The following DYNLRB1 variants were observed in gnomAD, a reference collection of about 807,000 sequenced individuals.
DYNLRB1 encodes dynein light chain roadblock-type 1.
In DYNLRB1, 6 loss-of-function variants were observed where a neutral mutation model predicts 13.5. That is an observed-to-expected ratio of 0.44 (90% confidence interval 0.24 to 0.88). The LOEUF (loss-of-function observed/expected upper bound fraction) is 0.88, where lower values mean the gene tolerates loss of function less well. Among genes scored for constraint, DYNLRB1 ranks in the 40% least tolerant of loss-of-function variants. The probability of loss-of-function intolerance (pLI) is 0.21; values close to 1 mark genes in which losing one functional copy is unlikely to be tolerated. For missense variants in DYNLRB1, 93 were observed against 127.2 expected, an observed-to-expected ratio of 0.73 and a Z score of 1.29; for synonymous variants, 43 against 45.0, an observed-to-expected ratio of 0.96 and a Z score of 0.18.
intron 1 of DYNLRB1, among the ~76,000 whole-genome samples, chr20:34,521,940 A>C (rs1979753457): frequency 6.6e-6 from 1 of 152,094 alleles, no homozygotes; most frequent in African/African-American, 2.4e-5. Context: ...CGGGAGGCTG[A>C]AGTGGGAGGA....
At chr20:34,531,834 G>A (rs1457283593) in intron 2 of DYNLRB1, among the ~76,000 whole-genome samples, 1 of 152,178 alleles carries the variant, frequency 6.6e-6, no homozygotes, top group Non-Finnish European at 1.5e-5. Flanking sequence ...AGTGTCACCC[G>A]AAGATGGAGA....
In DYNLRB1 at chr20:34,540,641, CCT is replaced by C. The variant is rs763840824; in HGVS notation, c.*18_*19del. ...ACCGAATAAGCCACTCTCTTGGCTC[CCT>C]GTGTCATTCCTTAATTTAATGCCCC... On this transcript the variant is annotated 3_prime_UTR_variant, in exon 4 of 4. Coordinates refer to ENST00000357156, the MANE Select transcript of DYNLRB1 (RefSeq NM_014183.4). The C allele has an allele frequency of 3.3e-5, 53 of 1,612,784 alleles. No individual in the cohort carries two copies. The South Asian group carries it at 5.2e-4, about 16-fold the overall frequency.
chr20:34,516,790 A>C, intron 1 of DYNLRB1: 2 of 1,550,098 alleles, frequency 1.3e-6, no homozygotes, highest in Non-Finnish European at 8.7e-7. Context: ...AACCCTGGCA[A>C]CGTTTCCCGG....
At chr20:34,530,697 TC>T (rs1302584801) in intron 2 of DYNLRB1, 1 of 152,236 alleles carries the variant, frequency 6.6e-6, no homozygotes, top group Non-Finnish European at 1.5e-5. Context: ...TTCCCACTGA[TC>T]CATGGGGCCT....
chr20:34,532,138 T>C (rs1248269394), intron 2 of DYNLRB1, among the ~76,000 whole-genome samples: 1 of 152,222 alleles, frequency 6.6e-6, no homozygotes, highest in African/African-American at 2.4e-5. Flanking sequence ...CTTGCGGGTT[T>C]AAGCAATAGT....
chr20:34,526,489 T>C, intron 2 of DYNLRB1, 146 bp downstream of exon 2: 1 of 598,340 alleles, frequency 1.7e-6, no homozygotes. Flanking sequence ...AGTGTTCTTT[T>C]TTTTTTTTTT....
chr20:34,540,275 C>T (rs950714255), intron 3 of DYNLRB1, among the ~76,000 whole-genome samples: 2 of 152,224 alleles, frequency 1.3e-5, no homozygotes, highest in African/African-American at 4.8e-5. Context: ...GTCCCCCCAC[C>T]TGGAAAACAG....
intron 3 of DYNLRB1, chr20:34,536,179 C>T (rs1212256205): frequency 2.0e-6 from 2 of 985,312 alleles, no homozygotes; most frequent in Non-Finnish European, 2.4e-6. Flanking sequence ...AATGCCTGAT[C>T]CATCGGGGAG....
chr20:34,518,652 C>T (rs1449266528), intron 1 of DYNLRB1, among the ~76,000 whole-genome samples: 1 of 151,578 alleles, frequency 6.6e-6, no homozygotes. Context: ...TGGGGTTTTG[C>T]CATGTTGCCC....
intron 1 of DYNLRB1, among the ~76,000 whole-genome samples, chr20:34,525,184 C>A (rs552112164): frequency 6.6e-6 from 1 of 152,056 alleles, no homozygotes; most frequent in Non-Finnish European, 1.5e-5. Flanking sequence ...TGAGGATCCC[C>A]CCCCCCATTT....
intron 2 of DYNLRB1, among the ~76,000 whole-genome samples, chr20:34,529,455 G>A (rs941894372): frequency 3.3e-5 from 5 of 152,202 alleles, no homozygotes; most frequent in African/African-American, 1.2e-4. Flanking sequence ...CCAGCCAGGC[G>A]TGGTGGCTCA....
intron 2 of DYNLRB1, chr20:34,530,805 A>G (rs1980655447): frequency 6.6e-6 from 1 of 152,186 alleles, no homozygotes; most frequent in African/African-American, 2.4e-5. Flanking sequence ...CCCATCCCCA[A>G]CATTCAGCTC....
In DYNLRB1 at chr20:34,533,538, T is replaced by C. The variant is rs185757649; in HGVS notation, c.80-1090T>C. The C allele has an allele frequency of 4.1e-6, 4 of 985,424 alleles. No individual in the cohort carries two copies. The Admixed American group carries it at 2.5e-4, about 61-fold the overall frequency. 61.0% of individuals were successfully genotyped at this position (985,424 alleles called of 1,614,324 possible). A position where few individuals can be genotyped will look rare whatever the true frequency, so the allele number is the denominator to read the frequency against. On this transcript the variant is annotated intron_variant, in intron 2 of 3. Coordinates refer to ENST00000357156, the MANE Select transcript of DYNLRB1 (RefSeq NM_014183.4). ...CTACTTTTTAGTGTGTAGAAGTTTG[T>C]GGCCGGGCGCGGTGGCTCACGCCTG...
chr20:34,526,484 T>TA, intron 2 of DYNLRB1, 141 bp downstream of exon 2: 419 of 525,616 alleles, frequency 8.0e-4, no homozygotes, highest in Non-Finnish European at 1.0e-3. Flanking sequence ...CCTCCAGTGT[T>TA]CTTTTTTTTT....
intron 3 of DYNLRB1, chr20:34,535,560 T>C (rs996134931): frequency 1.1e-5 from 10 of 877,860 alleles, no homozygotes; most frequent in Admixed American, 6.2e-5. Context: ...CTCTCACTCA[T>C]GGACTGGGGT....
chr20:34,535,274 T>G, intron 3 of DYNLRB1: 1 of 985,402 alleles, frequency 1.0e-6, no homozygotes, highest in African/African-American at 1.7e-5. Flanking sequence ...CTGTATCATT[T>G]TATCCTTGAA....
At chr20:34,538,248 G>C (rs754281782) in intron 3 of DYNLRB1, among the ~76,000 whole-genome samples, 7 of 149,748 alleles carry the variant, frequency 4.7e-5, no homozygotes, top group Non-Finnish European at 8.9e-5. Context: ...GATTATATGC[G>C]TGAGCCACCA....
chr20:34,530,092 C>A (rs2146638434), intron 2 of DYNLRB1: 1 of 1,238,148 alleles, frequency 8.1e-7, no homozygotes, highest in Middle Eastern at 3.1e-4. Context: ...AAGGAGACAA[C>A]CCCAGGGGCC....
intron 1 of DYNLRB1, among the ~76,000 whole-genome samples, chr20:34,517,627 CTT>C (rs60155819): frequency 6.6e-5 from 8 of 120,398 alleles, no homozygotes; most frequent in Admixed American, 9.1e-5. Flanking sequence ...TTCATTATTT[CTT>C]TTTTTTTTTT....
Sources: allele counts gnomAD v4.1 joint callset (sites outside exome capture counted in the v4.1 genomes callset), GRCh38; gene constraint gnomAD v4.1.1; transcripts MANE v1.5; gene names NCBI Gene and HGNC (gene_info 2026-07-23, HGNC 2026-07-21).